CLVS1: variants seen among roughly 807,000 people sequenced by gnomAD.
The protein encoded by CLVS1 is clavesin 1.
CLVS1 carries 10 observed loss-of-function variants against 33.1 expected under a neutral mutation model. The ratio of observed to expected loss-of-function variants is 0.30; its 90% confidence interval spans 0.19 to 0.51. The LOEUF is 0.51. CLVS1 is among the 20% of genes least tolerant of loss of function. The pLI is 0.97. For missense variants in CLVS1, 343 were observed against 433.4 expected (o/e 0.79, Z 1.85); for synonymous variants, 163 against 166.1 (o/e 0.98, Z 0.14).
intron 1 of CLVS1, among the ~76,000 whole-genome samples, chr8:61,299,121 C>T (rs1810333995): frequency 6.6e-6 from 1 of 152,168 alleles, no homozygotes; most frequent in Non-Finnish European, 1.5e-5. Context: ...TGGTGGAGGA[C>T]TCCTGTGAGT....
intron 2 of CLVS1, chr8:61,203,166 G>C (rs571571605): frequency 3.5e-4 from 400 of 1,141,524 alleles, no homozygotes; most frequent in Non-Finnish European, 4.9e-4. Flanking sequence ...GTGAAGAATT[G>C]CTTCCGGATG....
chr8:61,010,242 C>T, the CLVS1 span, among the ~76,000 whole-genome samples: 3 of 152,202 alleles, frequency 2.0e-5, no homozygotes, highest in Non-Finnish European at 4.4e-5. Context: ...ATATCTTGCA[C>T]TGTCCTCCCC....
At chr8:61,014,833 C>G in the CLVS1 span, among the ~76,000 whole-genome samples, 1 of 152,250 alleles carries the variant, frequency 6.6e-6, no homozygotes, top group African/African-American at 2.4e-5. Context: ...AATCTTATCT[C>G]TGTCATTCTG....
chr8:61,361,102 T>C (rs1563516135), intron 2 of CLVS1, among the ~76,000 whole-genome samples: 1 of 152,110 alleles, frequency 6.6e-6, no homozygotes. Context: ...CAGATCTCAC[T>C]ATAAGTCACT....
chr8:61,259,091 A>G (rs1809145587), intron 2 of CLVS1, among the ~76,000 whole-genome samples: 1 of 152,256 alleles, frequency 6.6e-6, no homozygotes, highest in African/African-American at 2.4e-5. Flanking sequence ...TGTGTTAAAA[A>G]TCACCTACAA....
At chr8:60,975,280 G>C in the CLVS1 span, among the ~76,000 whole-genome samples, 1 of 152,152 alleles carries the variant, frequency 6.6e-6, no homozygotes, top group Non-Finnish European at 1.5e-5. Flanking sequence ...CACTAATGTT[G>C]CCTACTTCAT....
chr8:61,103,471 G>A (rs562707409), intron 1 of CLVS1, among the ~76,000 whole-genome samples: 41 of 152,298 alleles, frequency 2.7e-4, no homozygotes, highest in African/African-American at 9.1e-4. Flanking sequence ...ATCTTCAGAG[G>A]TTTTGGGGTT....
chr8:60,991,990 C>T, the CLVS1 span, among the ~76,000 whole-genome samples: 1 of 152,118 alleles, frequency 6.6e-6, no homozygotes, highest in African/African-American at 2.4e-5. Flanking sequence ...TCAAGTGATC[C>T]ACCCGCCTTG....
At chr8:61,232,950 A>T (rs954195971) in intron 2 of CLVS1, among the ~76,000 whole-genome samples, 1 of 152,254 alleles carries the variant, frequency 6.6e-6, no homozygotes, top group Non-Finnish European at 1.5e-5. Context: ...AATCTTTGGA[A>T]AATAATACAT....
the CLVS1 span, among the ~76,000 whole-genome samples, chr8:61,004,672 G>A: frequency 2.6e-5 from 4 of 152,312 alleles, no homozygotes; most frequent in East Asian, 5.8e-4. Flanking sequence ...GGAAGCTGGC[G>A]ACAGGGTGGG....
chr8:60,991,888 A>G, the CLVS1 span, among the ~76,000 whole-genome samples: 1 of 151,910 alleles, frequency 6.6e-6, no homozygotes, highest in Admixed American at 6.6e-5. Flanking sequence ...TTGGGATTAT[A>G]GGAGTGTGTC....
chr8:61,083,208 G>C (rs767295543), intron 1 of CLVS1, among the ~76,000 whole-genome samples: 13 of 152,162 alleles, frequency 8.5e-5, no homozygotes, highest in Non-Finnish European at 1.9e-4. Flanking sequence ...ACTGGACTCG[G>C]TAACTATACG....
intron 2 of CLVS1, among the ~76,000 whole-genome samples, chr8:61,329,166 C>T (rs192156202): frequency 1.0e-3 from 159 of 151,674 alleles, no homozygotes; most frequent in African/African-American, 3.5e-3. Context: ...ATAATAAAAA[C>T]CTTTAGAGAG....
chr8:61,379,824 C>T (rs921643079), intron 3 of CLVS1, among the ~76,000 whole-genome samples: 1 of 152,082 alleles, frequency 6.6e-6, no homozygotes, highest in Middle Eastern at 3.2e-3. Context: ...ATTCTGAAGC[C>T]GGAATGAGCA....
chr8:61,200,720 T>G (rs1807710349), intron 2 of CLVS1, among the ~76,000 whole-genome samples: 3 of 152,254 alleles, frequency 2.0e-5, no homozygotes, highest in Admixed American at 2.0e-4. Context: ...GAGATATCAT[T>G]TGTGCCACAA....
intron 2 of CLVS1, among the ~76,000 whole-genome samples, chr8:61,226,452 A>G (rs1224165043): frequency 6.6e-6 from 1 of 152,244 alleles, no homozygotes; most frequent in Non-Finnish European, 1.5e-5. Flanking sequence ...TTCAGACACT[A>G]AAAGTTTTCC....
rs1323731523 is a variant in CLVS1 at position 61,263,119 on chromosome 8, G to A, written c.-151-36558G>A. ...GATAGATGAAAAATGACCCAAAGAT[G>A]TCCCCGGCTAAGTATTCAGCTTGAT... is the stretch of plus-strand genomic sequence containing the variant. On this transcript the variant is annotated intron_variant, in intron 2 of 2. Transcript: ENST00000522621. Among the ~76,000 whole-genome samples, 8 of 152,226 alleles carry A rather than the reference G, an allele frequency of 5.3e-5. No individual in the cohort carries two copies. The East Asian group carries it at 1.4e-3, about 26-fold the overall frequency.
Position 61,148,590 on chromosome 8 carries a change from G to A in CLVS1, c.-152+16730G>A, listed in dbSNP as rs572155992. ...AATAATGGAGAGCTAACAAGATACA[G>A]GTTCCTCCAGGCTTTTGCAGCTTTG... On this transcript the variant is annotated intron_variant, in intron 2 of 2. Transcript: ENST00000522621. Among the ~76,000 whole-genome samples the A allele has an allele frequency of 2.6e-5, 4 of 152,306 alleles. No homozygotes were observed. In the South Asian group the frequency reaches 8.3e-4, roughly 32 times the overall value.
intron 1 of CLVS1, among the ~76,000 whole-genome samples, chr8:61,290,644 C>T (rs908622047): frequency 4.6e-5 from 7 of 152,196 alleles, no homozygotes; most frequent in African/African-American, 1.7e-4. Flanking sequence ...CACAACTTGA[C>T]GTACTCCCTG....
Sources: gnomAD v4.1 joint callset for allele counts (sites outside exome capture counted in the v4.1 genomes callset) on GRCh38, gnomAD v4.1.1 for gene constraint, MANE v1.5 for transcripts, NCBI Gene and HGNC (gene_info 2026-07-23, HGNC 2026-07-21) for gene names.